DPP10: variants seen among roughly 807,000 people sequenced by gnomAD.
DPP10 encodes the protein inactive dipeptidyl peptidase 10.
DPP10 carries 33 observed loss-of-function variants against 120.9 expected under a neutral mutation model. The observed-to-expected ratio is 0.27, with a 90% CI of 0.21 to 0.37. The LOEUF (loss-of-function observed/expected upper bound fraction) is 0.37. DPP10 is among the 10% of genes least tolerant of loss of function. The pLI is 1.00. For missense variants in DPP10, 816 were observed against 942.8 expected (o/e 0.87, Z 1.76); for synonymous variants, 337 against 326.1 (o/e 1.03, Z -0.36).
chr2:114,951,810 C>T (rs1161998137), intron 1 of DPP10, among the ~76,000 whole-genome samples: 2 of 152,054 alleles, frequency 1.3e-5, no homozygotes, highest in Non-Finnish European at 2.9e-5. Context: ...TCCACTTCCT[C>T]TACCTATTCT....
chr2:114,926,694 T>C (rs1199677038), intron 1 of DPP10, among the ~76,000 whole-genome samples: 1 of 152,152 alleles, frequency 6.6e-6, no homozygotes, highest in Non-Finnish European at 1.5e-5. Flanking sequence ...AGCAAGCTAC[T>C]TAATATGGAA....
chr2:115,398,715 T>C (rs2067857135), intron 3 of DPP10, among the ~76,000 whole-genome samples: 1 of 152,164 alleles, frequency 6.6e-6, no homozygotes, highest in Non-Finnish European at 1.5e-5. Context: ...AGCAACTTTA[T>C]ATGAGATTTG....
intron 17 of DPP10, among the ~76,000 whole-genome samples, chr2:115,790,345 C>G (rs554341788): frequency 1.3e-5 from 2 of 152,196 alleles, no homozygotes; most frequent in Non-Finnish European, 1.5e-5. Context: ...TCCCAAAGTG[C>G]TGGGATTACA....
intron 1 of DPP10, among the ~76,000 whole-genome samples, chr2:114,806,791 G>C (rs944369832): frequency 1.3e-5 from 2 of 152,154 alleles, no homozygotes; most frequent in Admixed American, 6.5e-5. Flanking sequence ...CCATTTGCTT[G>C]AGTCAAAAAC....
chr2:115,084,706 C>A (rs1708552193), intron 1 of DPP10, among the ~76,000 whole-genome samples: 1 of 152,330 alleles, frequency 6.6e-6, no homozygotes, highest in South Asian at 2.1e-4. Context: ...CGGAGGGACA[C>A]TGGCGTCCTT....
intron 1 of DPP10, among the ~76,000 whole-genome samples, chr2:114,490,371 G>A (rs1010090363): frequency 6.6e-6 from 1 of 152,052 alleles, no homozygotes; most frequent in Admixed American, 6.6e-5. Context: ...AGCTATAGAA[G>A]GCCCAACACC....
intron 1 of DPP10, among the ~76,000 whole-genome samples, chr2:115,306,198 T>C (rs1336145164): frequency 1.3e-5 from 2 of 152,042 alleles, no homozygotes; most frequent in Non-Finnish European, 2.9e-5. Flanking sequence ...TTTAGGCACT[T>C]TTCTTTCCAG....
At chr2:114,697,604 G>T (rs1700140805) in intron 1 of DPP10, among the ~76,000 whole-genome samples, 1 of 151,810 alleles carries the variant, frequency 6.6e-6, no homozygotes, top group Admixed American at 6.6e-5. Flanking sequence ...TAATAAATTA[G>T]CCAGGCATGG....
chr2:114,751,472 G>A (rs1392117946), intron 1 of DPP10, among the ~76,000 whole-genome samples: 2 of 152,158 alleles, frequency 1.3e-5, no homozygotes, highest in African/African-American at 4.8e-5. Flanking sequence ...GACATCTAGG[G>A]AGTCTTGCCC....
At chr2:114,485,462 GTT>G (rs199626722) in intron 1 of DPP10, among the ~76,000 whole-genome samples, 3 of 137,146 alleles carry the variant, frequency 2.2e-5, no homozygotes, top group Non-Finnish European at 1.6e-5. Context: ...AGGAAAAACT[GTT>G]TTTTTTTTTT....
intron 5 of DPP10, among the ~76,000 whole-genome samples, chr2:115,528,360 A>T (rs2078258959): frequency 1.3e-5 from 2 of 151,598 alleles, no homozygotes; most frequent in African/African-American, 2.4e-5. Flanking sequence ...AAGTATAATA[A>T]AAATAAATAA....
At position 115,692,772 on chromosome 2, in the gene DPP10, G is replaced by A. The variant is rs540243990; in HGVS notation, c.576+2851G>A. Among the ~76,000 whole-genome samples the A allele has an allele frequency of 4.0e-5, 6 of 151,838 alleles. No homozygotes were observed. In the South Asian group the frequency reaches 1.2e-3, roughly 32 times the overall value. ...ATCATATCATTGTGATAATTATTTT[G>A]GAAAATGACTATTTTTCATAATAAG... On this transcript the variant is annotated intron_variant, in intron 7 of 25. Coordinates refer to ENST00000410059, the MANE Select transcript of DPP10 (RefSeq NM_020868.6).
At chr2:114,643,266 G>A (rs577019437) in intron 1 of DPP10, among the ~76,000 whole-genome samples, 1 of 151,984 alleles carries the variant, frequency 6.6e-6, no homozygotes, top group East Asian at 1.9e-4. Context: ...CTTGATGACA[G>A]CCAGGGGCAG....
At chr2:115,322,653 A>G (rs909061781) in intron 2 of DPP10, among the ~76,000 whole-genome samples, 6 of 152,238 alleles carry the variant, frequency 3.9e-5, no homozygotes, top group African/African-American at 9.6e-5. Flanking sequence ...AGTTTCTATT[A>G]CAAACTAAGT....
At chr2:115,141,093 T>C (rs1363574977) in intron 1 of DPP10, among the ~76,000 whole-genome samples, 1 of 152,200 alleles carries the variant, frequency 6.6e-6, no homozygotes, top group Non-Finnish European at 1.5e-5. Flanking sequence ...TTTGGTGAAG[T>C]GGTTAAGGTT....
At chr2:115,673,779 TGA>T (rs1363230224) in intron 5 of DPP10, among the ~76,000 whole-genome samples, 1 of 152,230 alleles carries the variant, frequency 6.6e-6, no homozygotes, top group Admixed American at 6.5e-5. Flanking sequence ...AAACATCTGT[TGA>T]GAGTCACTGC....
At chr2:114,787,914 A>C (rs1682898635) in intron 1 of DPP10, among the ~76,000 whole-genome samples, 1 of 152,244 alleles carries the variant, frequency 6.6e-6, no homozygotes, top group Non-Finnish European at 1.5e-5. Context: ...TACAAAGCTA[A>C]TTTATTTCAC....
chr2:115,835,099 GCACTC>G (rs1689331064), intron 21 of DPP10, among the ~76,000 whole-genome samples: 1 of 151,228 alleles, frequency 6.6e-6, no homozygotes, highest in Non-Finnish European at 1.5e-5. Context: ...TCGCACCACT[GCACTC>G]CAGCCTGGAC....
intron 21 of DPP10, among the ~76,000 whole-genome samples, chr2:115,826,350 C>A (rs2150078216): frequency 6.6e-6 from 1 of 152,258 alleles, no homozygotes. Context: ...TCATTTATTT[C>A]CATACTTTTT....
Sources: gnomAD v4.1 joint callset for allele counts (sites outside exome capture counted in the v4.1 genomes callset) on GRCh38, gnomAD v4.1.1 for gene constraint, MANE v1.5 for transcripts, NCBI Gene and HGNC (gene_info 2026-07-23, HGNC 2026-07-21) for gene names.